RAD21: variants seen among roughly 807,000 people sequenced by gnomAD.
The protein encoded by RAD21 is double-strand-break repair protein rad21 homolog.
RAD21 carries 18 observed loss-of-function variants against 71.5 expected under a neutral mutation model. The observed-to-expected ratio is 0.25, with a 90% CI of 0.17 to 0.37. The LOEUF is 0.37. Among genes scored for constraint, RAD21 ranks in the 10% least tolerant of loss-of-function variants. The probability of loss-of-function intolerance (pLI) is 1.00; values close to 1 mark genes in which losing one functional copy is unlikely to be tolerated. For synonymous variants in RAD21, 248 were observed against 254.0 expected, an observed-to-expected ratio of 0.98 and a Z score of 0.22; for missense variants, 493 against 769.1, an observed-to-expected ratio of 0.64 and a Z score of 4.25.
At position 116,866,494 on chromosome 8, in the gene RAD21, T is replaced by C. The variant is rs541206206; in HGVS notation, c.144+92A>G. On this transcript the variant is annotated intron_variant, in intron 2 of 13. Transcript: ENST00000297338. Reference sequence around the variant, plus strand: ...TCTAAGGATTTTCCTTGCACTCCAATGCCCCTACCTAAAAAAACTGTTTTA... The same window carrying C: ...TCTAAGGATTTTCCTTGCACTCCAACGCCCCTACCTAAAAAAACTGTTTTA... The C allele has an allele frequency of 1.1e-5, 13 of 1,216,282 alleles. No homozygotes were observed. In the East Asian group the frequency reaches 1.7e-4, roughly 16 times the overall value. The allele number at this position is 1,216,282 out of a possible 1,614,324, so 75.3% of individuals were successfully genotyped here. A position where few individuals can be genotyped will look rare whatever the true frequency, so the allele number is the denominator to read the frequency against.
intron 9 of RAD21, among the ~76,000 whole-genome samples, chr8:116,852,925 A>G (rs1199003306): frequency 6.6e-6 from 1 of 152,166 alleles, no homozygotes; most frequent in Non-Finnish European, 1.5e-5. Flanking sequence ...AAAAAACTGT[A>G]TCCATTATCT....
chr8:116,857,302 T>C lies in RAD21; in HGVS notation c.653A>G (p.Asp218Gly). ...ACCATCATTTCCTTCTCCAAAATTA[T>C]CATCCTTATATTGATCTTCATATTC... is the stretch of plus-strand genomic sequence containing the variant. ...HLEYEDQYKD[D>G]NFGEGNDGGI... The change falls in exon 6 of 14, where the codon GAT (aspartate) becomes GGT (glycine). Residue 218 changes from aspartate to glycine, a missense_variant. Physicochemically the swap from Asp to Gly is moderately conservative, Grantham distance 94. Transcript: ENST00000297338. 3.1e-6 allele frequency: 5 copies of C among 1,610,512 alleles called. No individual in the cohort carries two copies. The highest frequency in any genetic ancestry group is 4.2e-6 in the Non-Finnish European group (5 of 1,178,696).
chr8:116,872,855 G>C (rs941843052), intron 1 of RAD21, among the ~76,000 whole-genome samples: 1 of 152,178 alleles, frequency 6.6e-6, no homozygotes, highest in African/African-American at 2.4e-5. Flanking sequence ...AATCTCCTCT[G>C]TTTTGGTTCT....
intron 8 of RAD21, among the ~76,000 whole-genome samples, chr8:116,855,191 T>A (rs1812436829): frequency 6.6e-6 from 1 of 152,164 alleles, no homozygotes. Flanking sequence ...AATCTCACCA[T>A]CTAATACAGT....
Position 116,869,791 on chromosome 8 carries a change from C to T in RAD21, c.-32-3030G>A, listed in dbSNP as rs138962174. On this transcript the variant is annotated intron_variant, in intron 1 of 13. Coordinates refer to ENST00000297338, the MANE Select transcript of RAD21 (RefSeq NM_006265.3). ...GCTGAAAGACACAGAGAAGCTGGAT[C>T]TCTTACACTGCAGGTGGGACTAAAA... is the stretch of plus-strand genomic sequence containing the variant. Among the ~76,000 whole-genome samples the T allele has an allele frequency of 9.9e-5, 15 of 152,276 alleles. No individual in the cohort carries two copies. In the East Asian group the frequency reaches 2.9e-3, roughly 29 times the overall value.
intron 13 of RAD21, among the ~76,000 whole-genome samples, 169 bp from the exon 14 acceptor site, chr8:116,847,860 G>T (rs1379412907): frequency 1.3e-5 from 2 of 149,806 alleles, no homozygotes; most frequent in Non-Finnish European, 2.9e-5. Context: ...GGGTGGGGAT[G>T]GGGGTGGTGG....
At chr8:116,850,569 G>A (rs760227120) in intron 12 of RAD21, 49 bp downstream of exon 12, 3 of 1,590,376 alleles carry the variant, frequency 1.9e-6, no homozygotes, top group Non-Finnish European at 2.6e-6. Flanking sequence ...AAATAAAGCT[G>A]GTTGGAGGTT....
chr8:116,867,893 A>T (rs1812729850), intron 1 of RAD21, among the ~76,000 whole-genome samples: 1 of 152,164 alleles, frequency 6.6e-6, no homozygotes, highest in Admixed American at 6.5e-5. Flanking sequence ...AGACTTTTAT[A>T]CCATTTTGTC....
chr8:116,847,952 G>T (rs906621524), intron 13 of RAD21, among the ~76,000 whole-genome samples: 1 of 152,112 alleles, frequency 6.6e-6, no homozygotes, highest in Non-Finnish European at 1.5e-5. Context: ...GTTTAAAAGC[G>T]CCTAGCCATC....
chr8:116,852,267 C>T (rs1291450399), intron 10 of RAD21, 171 bp from the exon 11 acceptor site: 12 of 694,498 alleles, frequency 1.7e-5, no homozygotes, highest in South Asian at 2.5e-5. Context: ...TAGCAATATA[C>T]GTAAAGGGGA....
At chr8:116,859,437 T>TA (rs1296435237) in intron 4 of RAD21, among the ~76,000 whole-genome samples, 2 of 152,112 alleles carry the variant, frequency 1.3e-5, no homozygotes, top group African/African-American at 4.8e-5. Context: ...GGCGGGATCT[T>TA]ACTATATTGC....
chr8:116,850,384 C>T (rs1039413498), intron 12 of RAD21, among the ~76,000 whole-genome samples: 1 of 152,184 alleles, frequency 6.6e-6, no homozygotes, highest in Admixed American at 6.5e-5. Context: ...AGTGTAAGGA[C>T]AATTCCATGT....
intron 1 of RAD21, among the ~76,000 whole-genome samples, chr8:116,872,378 TAA>T (rs1445659332): frequency 6.6e-6 from 1 of 152,098 alleles, no homozygotes; most frequent in East Asian, 1.9e-4. Context: ...GTTGGAGTTT[TAA>T]AAAAGAATGC....
rs3816342 is a variant in RAD21 at position 116,858,136 on chromosome 8, A to G, written c.481+216T>C. Among the ~76,000 whole-genome samples the G allele has an allele frequency of 0.14, 20,589 of 152,236 alleles. 1,745 individuals are homozygous for G. The highest frequency in any genetic ancestry group is 0.21 in the Admixed American group (3,219 of 15,282). Reference sequence around the variant, plus strand: ...TCGCAGAAATCAATATATAGGTTCTATGATTGCATATAGGGAGAGAAGTAG... The same window carrying G: ...TCGCAGAAATCAATATATAGGTTCTGTGATTGCATATAGGGAGAGAAGTAG... On this transcript the variant is annotated intron_variant, in intron 5 of 13. Coordinates refer to ENST00000297338, the MANE Select transcript of RAD21 (RefSeq NM_006265.3).
chr8:116,856,694 G>A lies in RAD21; in HGVS notation c.766C>T (p.Pro256Ser). The change falls in exon 7 of 14, where the codon CCA (proline) becomes TCA (serine). Residue 256 changes from proline to serine, a missense_variant. Transcript: ENST00000297338. ...PALSEAGVML[P>S]EQPAHDDMDE... is the part of the protein sequence containing the mutation. ...ATATCGTCATGTGCAGGCTGCTCTG[G>A]CAACATCACCCCTGCCTCAGAGAGG... The A allele has an allele frequency of 6.3e-7, 1 of 1,593,758 alleles. No homozygotes were observed. Among genetic ancestry groups the A allele is most frequent in the Non-Finnish European group, 8.5e-7 (1 of 1,169,684 alleles).
At position 116,857,310 on chromosome 8, in the gene RAD21, A is replaced by G. The variant is rs143910582; in HGVS notation, c.645T>C (p.Tyr215=). 188 of 1,610,984 alleles carry G rather than the reference A, an allele frequency of 1.2e-4. No individual in the cohort carries two copies. The highest frequency in any genetic ancestry group is 1.4e-4 in the Non-Finnish European group (168 of 1,178,978). The stretch of plus-strand genomic sequence containing the variant: ...TTCCTTCTCCAAAATTATCATCCTT[A>G]TATTGATCTTCATATTCTAAATGGT... The part of the protein sequence containing the change: ...KINHLEYEDQ[Y]KDDNFGEGND... The change falls in exon 6 of 14, where the codon TAT becomes TAC. Residue 215 remains tyrosine (Y), a synonymous_variant. Transcript: ENST00000297338.
At chr8:116,867,759 C>T (rs1446667096) in intron 1 of RAD21, among the ~76,000 whole-genome samples, 1 of 152,126 alleles carries the variant, frequency 6.6e-6, no homozygotes, top group African/African-American at 2.4e-5. Flanking sequence ...AATAGAGTCA[C>T]AGGGAGTCAT....
intron 9 of RAD21, among the ~76,000 whole-genome samples, chr8:116,853,949 A>C (rs1002890199): frequency 3.9e-5 from 6 of 152,218 alleles, no homozygotes; most frequent in Non-Finnish European, 8.8e-5. Flanking sequence ...ATTCAGATGT[A>C]AAACACACTA....
Position 116,849,035 on chromosome 8 carries a change from TA to T in RAD21, c.1621-7del, listed in dbSNP as rs1812300365. ...CCCCCTGATGCATCTTCATCCTGAATAAAAATGACCCCCAAAAAGCTGACAA... is the reference window on the plus strand; with the variant it reads ...CCCCCTGATGCATCTTCATCCTGAATAAAATGACCCCCAAAAAGCTGACAA... On this transcript the variant is annotated splice_region_variant and splice_polypyrimidine_tract_variant and intron_variant, in intron 12 of 13. Transcript: ENST00000297338. 2 of 1,568,398 alleles carry T rather than the reference TA, an allele frequency of 1.3e-6. No homozygotes were observed. The highest frequency in any genetic ancestry group is 1.2e-5 in the South Asian group (1 of 82,246).
Sources: allele counts gnomAD v4.1 joint callset (sites outside exome capture counted in the v4.1 genomes callset), GRCh38; gene constraint gnomAD v4.1.1; transcripts MANE v1.5; gene names NCBI Gene and HGNC (gene_info 2026-07-23, HGNC 2026-07-21).